The following MIS18A variants were observed in gnomAD, a reference collection of about 807,000 sequenced individuals.
The protein encoded by MIS18A is MIS18 kinetochore protein A, also known as protein Mis18-alpha.
MIS18A carries 14 observed loss-of-function variants against 25.0 expected under a neutral mutation model. The ratio of observed to expected loss-of-function variants is 0.56; its 90% CI spans 0.37 to 0.88. The LOEUF (loss-of-function observed/expected upper bound fraction) is 0.88. Ranked by LOEUF, MIS18A falls within the 40% of genes least tolerant of loss-of-function variation. The probability of loss-of-function intolerance (pLI) is 0.00; values close to 1 mark genes in which losing one functional copy is unlikely to be tolerated. For missense variants in MIS18A, 292 were observed against 290.8 expected (o/e 1.00, Z -0.03); for synonymous variants, 134 against 118.6 (o/e 1.13, Z -0.84).
At chr21:32,192,517 G>T in the MIS18A span, among the ~76,000 whole-genome samples, 8 of 152,266 alleles carry the variant, frequency 5.3e-5, no homozygotes, top group South Asian at 1.7e-3. Context: ...GAAGTTGTAG[G>T]GGGGGTCAGA....
chr21:32,215,298 G>A, the MIS18A span, among the ~76,000 whole-genome samples: 2 of 152,124 alleles, frequency 1.3e-5, no homozygotes, highest in South Asian at 4.1e-4. Flanking sequence ...CCTTGTCTGA[G>A]CCAAATTGTT....
chr21:32,235,479 T>C, the MIS18A span, among the ~76,000 whole-genome samples: 1 of 152,190 alleles, frequency 6.6e-6, no homozygotes, highest in Non-Finnish European at 1.5e-5. Flanking sequence ...ATCTGAATCC[T>C]TGCCTGAGGT....
chr21:32,174,839 A>C, the MIS18A span, among the ~76,000 whole-genome samples: 1 of 152,242 alleles, frequency 6.6e-6, no homozygotes, highest in South Asian at 2.1e-4. Context: ...TCAAGGACAC[A>C]TAAGATATTT....
At chr21:32,166,453 A>C in the MIS18A span, among the ~76,000 whole-genome samples, 1 of 152,214 alleles carries the variant, frequency 6.6e-6, no homozygotes, top group African/African-American at 2.4e-5. Context: ...ATGCAAAATG[A>C]GCCTGGAGTA....
the MIS18A span, among the ~76,000 whole-genome samples, chr21:32,252,360 G>C: frequency 6.7e-6 from 1 of 148,712 alleles, no homozygotes; most frequent in Non-Finnish European, 1.5e-5. Context: ...AGGCAGGCAG[G>C]CAGGGAGGGA....
chr21:32,195,801 C>A, the MIS18A span, among the ~76,000 whole-genome samples: 1 of 152,052 alleles, frequency 6.6e-6, no homozygotes, highest in South Asian at 2.1e-4. Context: ...AGGTGGATAC[C>A]TTGAGGTCAG....
At chr21:32,249,611 T>C in the MIS18A span, among the ~76,000 whole-genome samples, 2 of 152,116 alleles carry the variant, frequency 1.3e-5, no homozygotes, top group South Asian at 4.1e-4. Context: ...TGTGTTGCTA[T>C]AAAGGAATAC....
At chr21:32,157,020 T>C in the MIS18A span, among the ~76,000 whole-genome samples, 1 of 151,390 alleles carries the variant, frequency 6.6e-6, no homozygotes, top group Non-Finnish European at 1.5e-5. Flanking sequence ...CCCACTAGGC[T>C]GATTGCATTT....
chr21:32,191,418 G>A, the MIS18A span, among the ~76,000 whole-genome samples: 7 of 151,764 alleles, frequency 4.6e-5, no homozygotes, highest in Admixed American at 1.3e-4. Flanking sequence ...AGCAAGACCC[G>A]ATTTCTACAA....
At chr21:32,179,348 C>T in the MIS18A span, among the ~76,000 whole-genome samples, 7 of 152,232 alleles carry the variant, frequency 4.6e-5, no homozygotes, top group Non-Finnish European at 8.8e-5. Context: ...TGGGAGAAGT[C>T]CCAGGTTTAG....
At chr21:32,157,050 C>CT in the MIS18A span, among the ~76,000 whole-genome samples, 1 of 116,124 alleles carries the variant, frequency 8.6e-6, no homozygotes, top group Non-Finnish European at 1.9e-5. Context: ...TCCTTTCTTT[C>CT]TTTCTTTTTT....
downstream of MIS18A, among the ~76,000 whole-genome samples, chr21:32,264,125 G>C (rs140585531): frequency 6.6e-6 from 1 of 151,912 alleles, no homozygotes; most frequent in Non-Finnish European, 1.5e-5. Flanking sequence ...TAAAACTCAG[G>C]TTATAAAATA....
chr21:32,195,518 T>C, the MIS18A span, among the ~76,000 whole-genome samples: 1 of 152,332 alleles, frequency 6.6e-6, no homozygotes, highest in Middle Eastern at 3.4e-3. Context: ...AGCCCCTCCC[T>C]GGAGACCTAG....
chr21:32,273,761 C>T (rs1011462403), intron 2 of MIS18A, among the ~76,000 whole-genome samples: 10 of 152,072 alleles, frequency 6.6e-5, no homozygotes, highest in Non-Finnish European at 5.9e-5. Context: ...TGATAGGATA[C>T]TCTAGCATCA....
chr21:32,266,502 G>A (rs1314959679), downstream of MIS18A, among the ~76,000 whole-genome samples: 1 of 152,090 alleles, frequency 6.6e-6, no homozygotes, highest in Non-Finnish European at 1.5e-5. Flanking sequence ...CTGCTTTTAT[G>A]AGCTGTAACA....
chr21:32,164,213 A>G, the MIS18A span, among the ~76,000 whole-genome samples: 2 of 152,142 alleles, frequency 1.3e-5, no homozygotes, highest in Non-Finnish European at 2.9e-5. Flanking sequence ...AAACCATAGC[A>G]GTGGTCAACA....
the MIS18A span, among the ~76,000 whole-genome samples, chr21:32,193,505 T>C: frequency 1.5e-4 from 16 of 109,476 alleles, no homozygotes; most frequent in Non-Finnish European, 2.3e-4. Context: ...GATAGATAGA[T>C]AGATAGATAG....
the MIS18A span, among the ~76,000 whole-genome samples, chr21:32,250,070 ACTC>A: frequency 4.6e-5 from 7 of 151,880 alleles, no homozygotes; most frequent in African/African-American, 1.7e-4. Flanking sequence ...CTAAGCTGGG[ACTC>A]GACTTTCCTT....
chr21:32,193,012 G>A, the MIS18A span, among the ~76,000 whole-genome samples: 1 of 152,228 alleles, frequency 6.6e-6, no homozygotes, highest in Admixed American at 6.5e-5. Flanking sequence ...AAAACAGACG[G>A]TCAACACTTT....
Sources: gnomAD v4.1 joint callset for allele counts (sites outside exome capture counted in the v4.1 genomes callset) on GRCh38, gnomAD v4.1.1 for gene constraint, MANE v1.5 for transcripts, NCBI Gene and HGNC (gene_info 2026-07-23, HGNC 2026-07-21) for gene names.